The following MKNK2 variants were observed in gnomAD, a reference collection of about 807,000 sequenced individuals.
MKNK2 encodes MAPK interacting serine/threonine kinase 2, also known as MAP kinase-interacting serine/threonine-protein kinase 2.
A neutral mutation model predicts 55.0 loss-of-function variants in MKNK2; 54 were observed. The ratio of observed to expected loss-of-function variants is 0.98; its 90% confidence interval spans 0.79 to 1.23. MKNK2 has a LOEUF of 1.23. MKNK2 is among the 50% of genes most tolerant of loss of function. MKNK2 has a pLI of 0.00. For synonymous variants in MKNK2, 323 were observed against 256.0 expected, an observed-to-expected ratio of 1.26 and a Z score of -2.50; for missense variants, 685 against 632.1, an observed-to-expected ratio of 1.08 and a Z score of -0.90.
intron 8 of MKNK2, 35 bp downstream of exon 8, chr19:2,042,731 G>T: frequency 6.5e-7 from 1 of 1,545,488 alleles, no homozygotes; most frequent in East Asian, 2.4e-5. Flanking sequence ...CTTGGCAGGC[G>T]GCCCTAGGAG....
chr19:2,050,638 C>A (rs946834349), intron 2 of MKNK2, among the ~76,000 whole-genome samples, 163 bp downstream of exon 2: 1 of 152,188 alleles, frequency 6.6e-6, no homozygotes, highest in Non-Finnish European at 1.5e-5. Context: ...TCCTCGCACA[C>A]CGACCCCGCT....
chr19:2,047,802 G>T (rs1292794129), intron 2 of MKNK2, among the ~76,000 whole-genome samples: 1 of 152,078 alleles, frequency 6.6e-6, no homozygotes, highest in African/African-American at 2.4e-5. Flanking sequence ...CTGGTGCTCT[G>T]GGGCCTGCTG....
rs775721766 is a variant in MKNK2, at chr19:2,046,698, GGGAGA to G, written c.52-12_52-8del. On this transcript the variant is annotated splice_polypyrimidine_tract_variant and splice_region_variant and intron_variant, in intron 2 of 13. Transcript: ENST00000250896. ...GCTCGAAGGGGTTCTGCCCCTGCAG[GGGAGA>G]GGAGAGGAGAGGCACTCAGGCCCCA... 9.5e-5 allele frequency: 144 copies of G among 1,511,054 alleles called. No individual in the cohort carries two copies. Among genetic ancestry groups the G allele is most frequent in the Non-Finnish European group, 1.2e-4 (133 of 1,131,046 alleles). 93.6% of individuals were successfully genotyped at this position (1,511,054 alleles called of 1,614,324 possible).
At position 2,038,770 on chromosome 19, in the gene MKNK2, G is replaced by A. The variant is rs1453048683; in HGVS notation, c.*843C>T. ...AGGACCCCCCACATTGGCTGACAGT[G>A]CCTGTCCAGCCCCTCTGCCTGCTGC... On this transcript the variant is annotated 3_prime_UTR_variant, in exon 14 of 14. Transcript: ENST00000250896. The A allele has an allele frequency of 1.0e-5, 10 of 985,504 alleles. No individual in the cohort carries two copies. Among genetic ancestry groups the A allele is most frequent in the Non-Finnish European group, 1.2e-5 (10 of 829,934 alleles). 61.0% of individuals were successfully genotyped at this position (985,504 alleles called of 1,614,324 possible).
In MKNK2 at chr19:2,039,781, G is replaced by T. The variant is rs533354898; in HGVS notation, c.1230C>A (p.Asp410Glu). 7.5e-6 allele frequency: 12 copies of T among 1,607,598 alleles called. No homozygotes were observed. Among genetic ancestry groups the T allele is most frequent in the South Asian group, 1.1e-5 (1 of 91,046 alleles). ...IAMNRQLAQHDEDLAEEEAAG... is the reference protein window; with the variant it reads ...IAMNRQLAQHEEDLAEEEAAG... ...CGGCCTCCTCCTCAGCCAGGTCCTC[G>T]TCGTGCTGGGCCAGCTGCCGGTTCA... Residue 410 changes from aspartate to glutamate, a missense_variant, in exon 14 of 14, where the codon GAC (aspartate) becomes GAA (glutamate). By Grantham distance (45) the Asp-to-Glu change is conservative. Coordinates refer to ENST00000250896, the MANE Select transcript of MKNK2 (RefSeq NM_199054.3).
Position 2,041,044 on chromosome 19 carries a change from T to A in MKNK2, c.1106A>T (p.Gln369Leu), listed in dbSNP as rs761611809. 9 of 1,613,558 alleles carry A rather than the reference T, an allele frequency of 5.6e-6. No individual in the cohort carries two copies. The highest frequency in any genetic ancestry group is 7.6e-6 in the Non-Finnish European group (9 of 1,179,900). ...AAQVLQHPWV[Q>L]GCAPENTLPT... is the part of the protein sequence containing the mutation. ...GCCCGTGCGGCTGGTACTCACCCCC[T>A]GAACCCAGGGGTGCTGCAGGACTTG... is the stretch of plus-strand genomic sequence containing the variant. The change falls in exon 12 of 14, where the codon CAG becomes CTG. Residue 369 changes from glutamine to leucine, a missense_variant. Coordinates refer to ENST00000250896, the MANE Select transcript of MKNK2 (RefSeq NM_199054.3).
At chr19:2,040,103 C>T (rs1568234881) in intron 13 of MKNK2, 31 bp downstream of exon 13, 13 of 1,576,860 alleles carry the variant, frequency 8.2e-6, no homozygotes, top group Non-Finnish European at 9.5e-6. Flanking sequence ...CCCCTGGACT[C>T]AGGGGTCCCG....
chr19:2,050,508 G>C (rs947846344), intron 2 of MKNK2, among the ~76,000 whole-genome samples: 1 of 152,202 alleles, frequency 6.6e-6, no homozygotes, highest in African/African-American at 2.4e-5. Flanking sequence ...GCTTGCAGGG[G>C]ACACACAGCC....
In MKNK2 at chr19:2,039,800, C is replaced by CGGTT. The variant is rs1568234659; in HGVS notation, c.1207_1210dup (p.Arg404GlnfsTer13). ...GTCCTCGTCGTGCTGGGCCAGCTGC[C>CGGTT]GGTTCATGGCAATGGCCTCAGCCGC... On this transcript the variant is annotated frameshift_variant, in exon 14 of 14. Transcript: ENST00000250896. LOFTEE classifies it low-confidence loss of function (END_TRUNC). 6.2e-7 allele frequency: 1 copy of CGGTT among 1,605,834 alleles called. No homozygotes were observed. The highest frequency in any genetic ancestry group is 8.5e-7 in the Non-Finnish European group (1 of 1,179,102).
chr19:2,044,970 G>A (rs2016966568), intron 5 of MKNK2, among the ~76,000 whole-genome samples: 2 of 152,098 alleles, frequency 1.3e-5, no homozygotes, highest in South Asian at 2.1e-4. Flanking sequence ...GCATGACCCC[G>A]AGGGCAGAGG....
intron 13 of MKNK2, 71 bp from the exon 14 acceptor site, chr19:2,039,927 C>A: frequency 6.6e-7 from 1 of 1,524,510 alleles, no homozygotes; most frequent in Non-Finnish European, 8.9e-7. Context: ...TCTGTGAAGG[C>A]CCTGGGGGAA....
chr19:2,038,839 G>A lies in MKNK2; in HGVS notation c.*774C>T. 1.0e-6 allele frequency: 1 copy of A among 985,818 alleles called. No individual in the cohort carries two copies. The highest frequency in any genetic ancestry group is 1.2e-6 in the Non-Finnish European group (1 of 830,026). 61.1% of individuals were successfully genotyped at this position (985,818 alleles called of 1,614,324 possible). ...CCAGGCGGGGCTCCTGCTGTCTCAG[G>A]CCTTGGTGTGGAGGGGAGGGGCAGC... On this transcript the variant is annotated 3_prime_UTR_variant, in exon 14 of 14. Coordinates refer to ENST00000250896, the MANE Select transcript of MKNK2 (RefSeq NM_199054.3).
Position 2,046,663 on chromosome 19 carries a change from G to T in MKNK2, c.80C>A (p.Ser27Tyr). 1.3e-6 allele frequency: 2 copies of T among 1,549,642 alleles called. No homozygotes were observed. Among genetic ancestry groups the T allele is most frequent in the Non-Finnish European group, 1.7e-6 (2 of 1,148,782 alleles). ...GTCTCCGTGGTCGGGCTGGTCTAGGGAGAAGGCCAGCTCGAAGGGGTTCTG... is the reference window on the plus strand; with the variant it reads ...GTCTCCGTGGTCGGGCTGGTCTAGGTAGAAGGCCAGCTCGAAGGGGTTCTG... Reference protein sequence around the residue: ...KGQNPFELAFSLDQPDHGDSD... With the variant: ...KGQNPFELAFYLDQPDHGDSD... Residue 27 changes from serine (S) to tyrosine (Y), a missense_variant, in exon 3 of 14, where the codon TCC becomes TAC. Coordinates refer to ENST00000250896, the MANE Select transcript of MKNK2 (RefSeq NM_199054.3).
Position 2,042,765 on chromosome 19 carries a change from C to T in MKNK2, c.598+1G>A. 1 of 1,571,810 alleles carries T rather than the reference C, an allele frequency of 6.4e-7. No homozygotes were observed. The highest frequency in any genetic ancestry group is 8.6e-7 in the Non-Finnish European group (1 of 1,156,756). ...AGACTCCGGGCGGGGTCACCACCTA[C>T]CTTTGTTATGCAGAAAGTCCAAGGC... is the stretch of plus-strand genomic sequence containing the variant. On this transcript the variant is annotated splice_donor_variant, in intron 8 of 13. Transcript: ENST00000250896. LOFTEE classifies it high-confidence loss of function.
In MKNK2 at chr19:2,041,129, C is replaced by T. The variant is rs762631109; in HGVS notation, c.1021G>A (p.Ala341Thr). The T allele has an allele frequency of 1.9e-6, 3 of 1,614,074 alleles. No homozygotes were observed. The highest frequency in any genetic ancestry group is 2.2e-5 in the East Asian group (1 of 44,874). The change falls in exon 12 of 14, where the codon GCC (alanine) becomes ACC (threonine). Residue 341 changes from alanine to threonine, a missense_variant. By Grantham distance (58) the Ala-to-Thr change is moderately conservative. Transcript: ENST00000250896. The stretch of plus-strand genomic sequence containing the variant: ...AGCAGCTTGGAGATGAGGTCTTTGG[C>T]AGCGCAGGAGATGTGGGCCCAGTCC... Reference protein sequence around the residue: ...DKDWAHISCAAKDLISKLLVR... With the variant: ...DKDWAHISCATKDLISKLLVR...
At position 2,041,078 on chromosome 19, in the gene MKNK2, T is replaced by G; in HGVS notation, c.1072A>C (p.Ser358Arg). 1 of 1,613,984 alleles carries G rather than the reference T, an allele frequency of 6.2e-7. No individual in the cohort carries two copies. The highest frequency in any genetic ancestry group is 8.5e-7 in the Non-Finnish European group (1 of 1,179,932). ...LLVRDAKQRLSAAQVLQHPWV... is the reference protein window; with the variant it reads ...LLVRDAKQRLRAAQVLQHPWV... ...GGGTGCTGCAGGACTTGGGCGGCAC[T>G]CAGCCTCTGCTTGGCGTCACGGACC... The change falls in exon 12 of 14, where the codon AGT (serine) becomes CGT (arginine). Residue 358 changes from serine to arginine, a missense_variant. Ser to Arg is a moderately radical substitution (Grantham distance 110). Coordinates refer to ENST00000250896, the MANE Select transcript of MKNK2 (RefSeq NM_199054.3).
Position 2,037,733 on chromosome 19 carries a change from G to T in MKNK2, c.*1880C>A. 1 of 1,582,386 alleles carries T rather than the reference G, an allele frequency of 6.3e-7. No individual in the cohort carries two copies. Among genetic ancestry groups the T allele is most frequent in the Non-Finnish European group, 8.6e-7 (1 of 1,159,252 alleles). The stretch of plus-strand genomic sequence containing the variant: ...CTGGCCTGGGGCCCAGGGTCCTCCA[G>T]GATCTTCACTCATTCACAGTAACGG... On this transcript the variant is annotated 3_prime_UTR_variant, in exon 14 of 14. Coordinates refer to ENST00000250896, the MANE Select transcript of MKNK2 (RefSeq NM_199054.3).
chr19:2,048,381 C>A lies in MKNK2; in HGVS notation c.52-1690G>T, dbSNP rs147686497. ...TTTCCACAGAGCAAATGGCCCAGCG[C>A]AGGGACTGCCGGCCCTTTACGAGGG... is the stretch of plus-strand genomic sequence containing the variant. On this transcript the variant is annotated intron_variant, in intron 2 of 13. Transcript: ENST00000250896. 8.7e-3 allele frequency among the ~76,000 whole-genome samples: 1,326 copies of A among 152,316 alleles called. 21 individuals are homozygous for A. The highest frequency in any genetic ancestry group is 0.031 in the African/African-American group (1,270 of 41,568).
intron 2 of MKNK2, among the ~76,000 whole-genome samples, chr19:2,049,577 C>T (rs1363132746): frequency 6.6e-6 from 1 of 152,198 alleles, no homozygotes; most frequent in East Asian, 1.9e-4. Flanking sequence ...GGCTGTGGGA[C>T]TCGAGTCAGC....
Sources: allele counts gnomAD v4.1 joint callset (sites outside exome capture counted in the v4.1 genomes callset), GRCh38; gene constraint gnomAD v4.1.1; transcripts MANE v1.5; gene names NCBI Gene and HGNC (gene_info 2026-07-23, HGNC 2026-07-21).